The following PAPPA2 variants were observed in gnomAD, a reference collection of about 807,000 sequenced individuals.
PAPPA2 encodes the protein pappalysin-2.
In PAPPA2, 86 loss-of-function variants were observed where a neutral mutation model predicts 176.4. The ratio of observed to expected loss-of-function variants is 0.49; its 90% confidence interval spans 0.41 to 0.58. PAPPA2 has a LOEUF of 0.58. Ranked by LOEUF, PAPPA2 falls within the 20% of genes least tolerant of loss-of-function variation. The pLI, the probability that PAPPA2 is intolerant of heterozygous loss-of-function variation, is 0.00. For missense variants in PAPPA2, 2,073 were observed against 2,256.9 expected, an observed-to-expected ratio of 0.92 and a Z score of 1.65; for synonymous variants, 809 against 852.2, an observed-to-expected ratio of 0.95 and a Z score of 0.88.
chr1:176,783,643 G>A (rs988466719), intron 17 of PAPPA2, among the ~76,000 whole-genome samples: 11 of 151,788 alleles, frequency 7.2e-5, no homozygotes, highest in South Asian at 2.1e-4. Context: ...CCCTAACCCC[G>A]ACTCCTCGTG....
intron 3 of PAPPA2, among the ~76,000 whole-genome samples, chr1:176,607,974 A>G (rs1654707754): frequency 1.3e-5 from 2 of 152,238 alleles, no homozygotes; most frequent in Admixed American, 6.5e-5. Flanking sequence ...TACATAAGTA[A>G]TAAAAACACC....
chr1:176,586,346 G>A (rs1653307029), intron 2 of PAPPA2, among the ~76,000 whole-genome samples: 1 of 151,936 alleles, frequency 6.6e-6, no homozygotes. Context: ...AAAAAAATAG[G>A]GATACATGTG....
At chr1:176,630,341 TAAG>T (rs1656272421) in intron 3 of PAPPA2, among the ~76,000 whole-genome samples, 1 of 152,150 alleles carries the variant, frequency 6.6e-6, no homozygotes, top group South Asian at 2.1e-4. Context: ...TCTAGGCAGA[TAAG>T]AAGTTTGTAC....
chr1:176,822,337 T>C (rs1666698555), intron 21 of PAPPA2, among the ~76,000 whole-genome samples: 1 of 152,174 alleles, frequency 6.6e-6, no homozygotes, highest in Admixed American at 6.5e-5. Flanking sequence ...GTGAGGAACA[T>C]CCACTTTTGG....
intron 6 of PAPPA2, among the ~76,000 whole-genome samples, chr1:176,693,225 A>G (rs973683196): frequency 6.6e-6 from 1 of 152,134 alleles, no homozygotes; most frequent in Non-Finnish European, 1.5e-5. Flanking sequence ...TTGTGGCACT[A>G]TATGTGAAGT....
At chr1:176,782,878 G>C (rs753177557) in intron 17 of PAPPA2, among the ~76,000 whole-genome samples, 4 of 152,158 alleles carry the variant, frequency 2.6e-5, no homozygotes, top group Non-Finnish European at 5.9e-5. Context: ...GGTGAGAGTT[G>C]GTGGCTTGTG....
chr1:176,680,375 G>A (rs1659523923), intron 4 of PAPPA2, among the ~76,000 whole-genome samples: 1 of 151,840 alleles, frequency 6.6e-6, no homozygotes, highest in African/African-American at 2.4e-5. Flanking sequence ...TTATACTATT[G>A]TAACATATAC....
chr1:176,806,899 C>A (rs188429217), intron 21 of PAPPA2, among the ~76,000 whole-genome samples: 3 of 152,134 alleles, frequency 2.0e-5, no homozygotes, highest in Non-Finnish European at 2.9e-5. Context: ...AGATTTACAG[C>A]CTTCTTCTTG....
intron 1 of PAPPA2, among the ~76,000 whole-genome samples, chr1:176,464,687 T>C (rs1269257700): frequency 1.3e-5 from 2 of 152,202 alleles, no homozygotes; most frequent in Non-Finnish European, 2.9e-5. Context: ...TGGACATGGC[T>C]CTCCGCATAG....
chr1:176,490,241 A>G (rs1652833672), intron 1 of PAPPA2, among the ~76,000 whole-genome samples: 1 of 152,054 alleles, frequency 6.6e-6, no homozygotes, highest in Non-Finnish European at 1.5e-5. Flanking sequence ...TACCTTTCAA[A>G]GGATTTGATA....
intron 3 of PAPPA2, among the ~76,000 whole-genome samples, chr1:176,600,549 G>A (rs934700765): frequency 5.9e-4 from 90 of 151,388 alleles, no homozygotes; most frequent in African/African-American, 2.0e-3. Flanking sequence ...GGTAGCGGGC[G>A]CCTGTAGTCC....
Position 176,492,175 on chromosome 1 carries a change from C to T in PAPPA2, c.-917+28757C>T, listed in dbSNP as rs1487258444. 1.3e-5 allele frequency among the ~76,000 whole-genome samples: 2 copies of T among 152,126 alleles called. 1 individual carries two copies. Among genetic ancestry groups the T allele is most frequent in the Non-Finnish European group, 2.9e-5 (2 of 68,030 alleles). On this transcript the variant is annotated intron_variant, in intron 1 of 22. Coordinates refer to ENST00000367662, the MANE Select transcript of PAPPA2 (RefSeq NM_020318.3). ...CTCACAGAGCATGGGTGCAGAGAGC[C>T]CAGTGCTGTATGTCTCCCTTGCACA...
At chr1:176,568,380 C>T (rs1652110094) in intron 2 of PAPPA2, among the ~76,000 whole-genome samples, 1 of 152,196 alleles carries the variant, frequency 6.6e-6, no homozygotes, top group Admixed American at 6.5e-5. Context: ...TATTAACTCA[C>T]ATGCTCCCAA....
chr1:176,577,976 G>A (rs1197352975), intron 2 of PAPPA2, among the ~76,000 whole-genome samples: 2 of 152,082 alleles, frequency 1.3e-5, no homozygotes, highest in African/African-American at 2.4e-5. Flanking sequence ...AGCTGATGGG[G>A]CTTCTTGGAG....
chr1:176,638,113 T>C (rs1172648699), intron 3 of PAPPA2, among the ~76,000 whole-genome samples: 2 of 152,088 alleles, frequency 1.3e-5, no homozygotes, highest in Non-Finnish European at 2.9e-5. Context: ...ACATCAGGCA[T>C]ATTTATGTCC....
At chr1:176,506,908 A>C (rs1648301253) in intron 1 of PAPPA2, among the ~76,000 whole-genome samples, 1 of 152,082 alleles carries the variant, frequency 6.6e-6, no homozygotes, top group African/African-American at 2.4e-5. Flanking sequence ...CTAAGTCCCT[A>C]AAGGCAATTG....
At chr1:176,836,438 T>C (rs1667273323) in intron 21 of PAPPA2, among the ~76,000 whole-genome samples, 1 of 152,200 alleles carries the variant, frequency 6.6e-6, no homozygotes, top group South Asian at 2.1e-4. Flanking sequence ...AGTTCTAAAG[T>C]CCAAACTAAC....
chr1:176,810,981 C>G (rs1020541131), intron 21 of PAPPA2, among the ~76,000 whole-genome samples: 2 of 152,132 alleles, frequency 1.3e-5, no homozygotes, highest in Non-Finnish European at 2.9e-5. Context: ...TCAACTCTTC[C>G]TTCCTCAGTC....
Position 176,794,500 on chromosome 1 carries a change from T to C in PAPPA2, c.5130+831T>C, listed in dbSNP as rs989112352. Among the ~76,000 whole-genome samples the C allele has an allele frequency of 7.9e-5, 12 of 152,316 alleles. 1 individual carries two copies. The highest frequency in any genetic ancestry group is 7.8e-4 in the Admixed American group (12 of 15,292). On this transcript the variant is annotated intron_variant, in intron 20 of 22. Coordinates refer to ENST00000367662, the MANE Select transcript of PAPPA2 (RefSeq NM_020318.3). ...GAAAAGATATCACTAGCTATCTCCA[T>C]GCAAAATAAAGAAAAATGGGGTTCT...
Sources: gnomAD v4.1 joint callset for allele counts (sites outside exome capture counted in the v4.1 genomes callset) on GRCh38, gnomAD v4.1.1 for gene constraint, MANE v1.5 for transcripts, NCBI Gene and HGNC (gene_info 2026-07-23, HGNC 2026-07-21) for gene names.